Variants in HLA-DRB5 observed in about 807,000 individuals in gnomAD.
The protein encoded by HLA-DRB5 is major histocompatibility complex, class II, DR beta 5.
In HLA-DRB5, 11 loss-of-function variants were observed where a neutral mutation model predicts 22.4. The ratio of observed to expected loss-of-function variants is 0.49; its 90% confidence interval spans 0.31 to 0.81. HLA-DRB5 has a LOEUF of 0.81. HLA-DRB5 is among the 40% of genes least tolerant of loss of function. The probability of loss-of-function intolerance (pLI) is 0.05; values close to 1 mark genes in which losing one functional copy is unlikely to be tolerated. For missense variants in HLA-DRB5, 106 were observed against 274.4 expected (o/e 0.39, Z 4.34); for synonymous variants, 57 against 106.0 (o/e 0.54, Z 2.84).
intron 2 of HLA-DRB5, among the ~76,000 whole-genome samples, chr6:32,521,474 A>C (rs1768857815): frequency 7.9e-6 from 1 of 126,216 alleles, no homozygotes; most frequent in Non-Finnish European, 1.7e-5. Context: ...TCCTCATATT[A>C]TCACAAATCT....
intron 2 of HLA-DRB5, among the ~76,000 whole-genome samples, chr6:32,521,280 A>G (rs114129629): frequency 0.021 from 1,211 of 56,398 alleles, no homozygotes; most frequent in Admixed American, 0.028. Context: ...GTAAAAATAT[A>G]CACACTAAGA....
chr6:32,529,964 C>T (rs71549217), intron 1 of HLA-DRB5, among the ~76,000 whole-genome samples, 161 bp downstream of exon 1: 14,927 of 120,004 alleles, frequency 0.12, 55 homozygotes, highest in Middle Eastern at 0.19. Flanking sequence ...AGTAGTCAAG[C>T]TCCTTTTGTG....
intron 1 of HLA-DRB5, among the ~76,000 whole-genome samples, chr6:32,524,406 GCC>G (rs879619933): frequency 0.24 from 26,840 of 112,074 alleles, 812 homozygotes; most frequent in Admixed American, 0.29. Context: ...CCCATTTAAT[GCC>G]CCAACTAACT....
intron 1 of HLA-DRB5, among the ~76,000 whole-genome samples, chr6:32,529,333 G>C (rs1770040084): frequency 1.5e-5 from 1 of 68,062 alleles, no homozygotes; most frequent in Non-Finnish European, 2.9e-5. Context: ...ATCTCTTCCT[G>C]TCATGTCTAG....
intron 2 of HLA-DRB5, among the ~76,000 whole-genome samples, chr6:32,519,981 T>A: frequency 2.0e-5 from 1 of 50,182 alleles, no homozygotes; most frequent in Non-Finnish European, 4.0e-5. Flanking sequence ...ATCCAAGGTC[T>A]GCCTTTTACT....
chr6:32,521,401 C>G (rs111765571), intron 2 of HLA-DRB5, among the ~76,000 whole-genome samples: 86,876 of 111,464 alleles, frequency 0.78, 35,366 homozygotes, highest in Middle Eastern at 0.88. Flanking sequence ...CAAACAAACA[C>G]CACACACTTT....
chr6:32,517,821 A>C (rs72508426), intron 5 of HLA-DRB5, 69 bp from the exon 6 acceptor site: 18 of 319,742 alleles, frequency 5.6e-5, no homozygotes, highest in Non-Finnish European at 2.8e-5. Flanking sequence ...CTCTCTTTCA[A>C]GGACTCAGAT....
chr6:32,519,679 G>T (rs181393156), intron 2 of HLA-DRB5, 28 bp from the exon 3 acceptor site: 1 of 582,674 alleles, frequency 1.7e-6, no homozygotes, highest in South Asian at 2.5e-5. Flanking sequence ...TAGAGGGAAT[G>T]ACTCAGGAAG....
intron 2 of HLA-DRB5, among the ~76,000 whole-genome samples, chr6:32,520,467 T>C (rs73726168): frequency 0.64 from 34,782 of 54,204 alleles, 13,999 homozygotes; most frequent in Middle Eastern, 0.75. Flanking sequence ...TAAGGAAAGT[T>C]ATTTTAGTTT....
At chr6:32,528,909 T>C (rs114649104) in intron 1 of HLA-DRB5, among the ~76,000 whole-genome samples, 5,087 of 24,688 alleles carry the variant, frequency 0.21, 715 homozygotes, top group Middle Eastern at 0.33. Flanking sequence ...GACCACTGCA[T>C]TACAGCCTGG....
intron 3 of HLA-DRB5, 106 bp downstream of exon 3, chr6:32,519,264 G>A: frequency 1.5e-6 from 1 of 660,076 alleles, no homozygotes; most frequent in Non-Finnish European, 2.3e-6. Context: ...TGAGAACATG[G>A]AGCAAATGAA....
At position 32,521,980 on chromosome 6, in the gene HLA-DRB5, C is replaced by CCG; in HGVS notation, c.294_295insCG (p.Asp99ArgfsTer31). 3 of 1,158,488 alleles carry CCG rather than the reference C, an allele frequency of 2.6e-6. No homozygotes were observed. The highest frequency in any genetic ancestry group is 2.7e-5 in the East Asian group (1 of 36,964). The allele number at this position is 1,158,488 out of a possible 1,614,324, so 71.8% of individuals were successfully genotyped here. ...TAGGTGTCCACCGCGGCGCGCCTGT[C>CCG]TTCCAGGAAGTCCTTCTGGCTGTTC... On this transcript the variant is annotated frameshift_variant, in exon 2 of 6. Coordinates refer to ENST00000374975, the MANE Select transcript of HLA-DRB5 (RefSeq NM_002125.4). LOFTEE classifies it high-confidence loss of function.
At chr6:32,521,367 C>T (rs1448630027) in intron 2 of HLA-DRB5, among the ~76,000 whole-genome samples, 1 of 131,926 alleles carries the variant, frequency 7.6e-6, no homozygotes, top group African/African-American at 2.8e-5. Flanking sequence ...CTCAATTCCC[C>T]TAGAAATTAA....
intron 1 of HLA-DRB5, among the ~76,000 whole-genome samples, chr6:32,529,595 GTAAAC>G (rs1770097769): frequency 1.8e-5 from 1 of 55,076 alleles, no homozygotes; most frequent in Non-Finnish European, 3.6e-5. Context: ...ACATTACAGG[GTAAAC>G]ATTGGAGTTC....
intron 2 of HLA-DRB5, among the ~76,000 whole-genome samples, chr6:32,521,606 C>G: frequency 1.3e-5 from 1 of 77,368 alleles, no homozygotes; most frequent in African/African-American, 5.1e-5. Flanking sequence ...CAGCCCCCTG[C>G]ACCCACCTCC....
At chr6:32,524,548 C>G (rs558534039) in intron 1 of HLA-DRB5, among the ~76,000 whole-genome samples, 15,713 of 80,456 alleles carry the variant, frequency 0.2, 45 homozygotes, top group Middle Eastern at 0.27. Context: ...ATGACGTTCT[C>G]ATACAGACAG....
intron 1 of HLA-DRB5, among the ~76,000 whole-genome samples, chr6:32,524,404 A>ACG (rs879525812): frequency 0.25 from 28,197 of 114,800 alleles, 890 homozygotes; most frequent in Admixed American, 0.3. Context: ...TTCCCATTTA[A>ACG]TGCCCCAACT....
intron 2 of HLA-DRB5, among the ~76,000 whole-genome samples, chr6:32,521,261 T>C (rs1768826653): frequency 1.6e-5 from 1 of 63,842 alleles, no homozygotes; most frequent in African/African-American, 6.2e-5. Context: ...TCACAGTCAT[T>C]TCAACTATGT....
At chr6:32,529,413 C>A (rs559448699) in intron 1 of HLA-DRB5, among the ~76,000 whole-genome samples, 1 of 29,016 alleles carries the variant, frequency 3.4e-5, no homozygotes, top group Non-Finnish European at 7.3e-5. Flanking sequence ...TAAACTCTAA[C>A]CTGGGCCAGG....
Sources: gnomAD v4.1 joint callset for allele counts (sites outside exome capture counted in the v4.1 genomes callset) on GRCh38, gnomAD v4.1.1 for gene constraint, MANE v1.5 for transcripts, NCBI Gene and HGNC (gene_info 2026-07-23, HGNC 2026-07-21) for gene names.